WARS2: variants seen among roughly 807,000 people sequenced by gnomAD.
WARS2 encodes the protein tryptophan--tRNA ligase, mitochondrial.
WARS2 carries 28 observed loss-of-function variants against 36.5 expected under a neutral mutation model. That is an observed-to-expected ratio of 0.77 (90% CI 0.57 to 1.05). The LOEUF is 1.05. WARS2 is among the 50% of genes least tolerant of loss of function. The pLI, the probability that WARS2 is intolerant of heterozygous loss-of-function variation, is 0.00. For missense variants in WARS2, 435 were observed against 456.8 expected (o/e 0.95, Z 0.44); for synonymous variants, 174 against 178.4 (o/e 0.98, Z 0.20).
rs913658064 is a variant in WARS2 at position 119,129,729 on chromosome 1, A to T, written c.90+10826T>A. On this transcript the variant is annotated intron_variant, in intron 1 of 5. Transcript: ENST00000235521. ...TACTCTATCTCAAAAAATAAAAATA[A>T]AAAAAAAATAAAATAAAATAAATCC... is the stretch of plus-strand genomic sequence containing the variant. Among the ~76,000 whole-genome samples, 12 of 147,156 alleles carry T rather than the reference A, an allele frequency of 8.2e-5. 3 individuals carry two copies. Among genetic ancestry groups the T allele is most frequent in the African/African-American group, 3.1e-4 (12 of 38,708 alleles).
chr1:119,076,295 T>C (rs1651722086), intron 2 of WARS2, 55 bp downstream of exon 2: 2 of 1,586,692 alleles, frequency 1.3e-6, no homozygotes, highest in Non-Finnish European at 1.7e-6. Context: ...TCAACATTTT[T>C]TCCTCAAATA....
chr1:119,061,990 C>T (rs969983470), intron 2 of WARS2, among the ~76,000 whole-genome samples: 2 of 152,130 alleles, frequency 1.3e-5, no homozygotes, highest in Non-Finnish European at 2.9e-5. Flanking sequence ...TATAGTGACC[C>T]TTGTAACTGG....
chr1:119,068,226 C>G (rs12569117), intron 2 of WARS2, among the ~76,000 whole-genome samples: 8,352 of 152,240 alleles, frequency 0.055, 426 homozygotes, highest in East Asian at 0.19. Context: ...TAAATACACT[C>G]AAATATGTTT....
At chr1:119,071,055 C>A (rs907311982) in intron 2 of WARS2, among the ~76,000 whole-genome samples, 2 of 151,948 alleles carry the variant, frequency 1.3e-5, no homozygotes, top group Non-Finnish European at 2.9e-5. Context: ...TGGTGGCAGG[C>A]GCCTGTAATC....
chr1:119,128,565 C>T (rs1294180642), intron 1 of WARS2, among the ~76,000 whole-genome samples: 3 of 148,590 alleles, frequency 2.0e-5, no homozygotes, highest in African/African-American at 7.5e-5. Flanking sequence ...ATTTAACATT[C>T]CCCACCACCC....
intron 1 of WARS2, among the ~76,000 whole-genome samples, chr1:119,116,884 C>A (rs192543901): frequency 6.6e-5 from 10 of 152,066 alleles, no homozygotes; most frequent in African/African-American, 2.4e-4. Context: ...CGAACTTCCC[C>A]GAGTAGAATC....
chr1:119,114,965 T>A (rs1386294098), intron 1 of WARS2, among the ~76,000 whole-genome samples: 1 of 152,124 alleles, frequency 6.6e-6, no homozygotes, highest in Non-Finnish European at 1.5e-5. Flanking sequence ...CCCATCCACA[T>A]TTTAAAATAA....
rs567046616 is a variant in WARS2, at chr1:119,043,762, G to C, written c.430-1413C>G. Among the ~76,000 whole-genome samples, 78 of 152,172 alleles carry C rather than the reference G, an allele frequency of 5.1e-4. 1 individual carries two copies. The highest frequency in any genetic ancestry group is 1.0e-3 in the Non-Finnish European group (71 of 68,048). ...TATAGCCTTTTCGTATTAGCATAAT[G>C]GACCTTGAAATTACAAGGGAGAGGG... On this transcript the variant is annotated intron_variant, in intron 3 of 5. Coordinates refer to ENST00000235521, the MANE Select transcript of WARS2 (RefSeq NM_015836.4).
At chr1:119,080,493 G>A (rs1652102630) in intron 1 of WARS2, among the ~76,000 whole-genome samples, 1 of 152,160 alleles carries the variant, frequency 6.6e-6, no homozygotes, top group Non-Finnish European at 1.5e-5. Context: ...CATTAGTGCA[G>A]AGGGAATGAT....
chr1:119,102,421 T>A (rs1170625851), intron 1 of WARS2, among the ~76,000 whole-genome samples: 1 of 152,216 alleles, frequency 6.6e-6, no homozygotes, highest in Non-Finnish European at 1.5e-5. Flanking sequence ...TATTTCCACA[T>A]AGATAACCAT....
rs587613714 is a variant in WARS2, at chr1:119,080,895, A to G, written c.91-4288T>C. Among the ~76,000 whole-genome samples, 253 of 152,366 alleles carry G rather than the reference A, an allele frequency of 1.7e-3. 2 individuals are homozygous for G. The highest frequency in any genetic ancestry group is 1.9e-3 in the Non-Finnish European group (132 of 68,030). ...AGCCTAGCCCACAGGCATTCATTCA[A>G]GGGGAAGCCTGGAGCATCAACCTAC... On this transcript the variant is annotated intron_variant, in intron 1 of 5. Transcript: ENST00000235521.
chr1:119,047,097 C>T (rs1207651713), intron 2 of WARS2, among the ~76,000 whole-genome samples: 1 of 152,184 alleles, frequency 6.6e-6, no homozygotes, highest in Non-Finnish European at 1.5e-5. Context: ...AGGGCAGTGA[C>T]ATTGACACAC....
chr1:119,045,616 C>T lies in WARS2; in HGVS notation c.395G>A (p.Arg132Lys), dbSNP rs748739288. 3.1e-6 allele frequency: 5 copies of T among 1,595,400 alleles called. No homozygotes were observed. The highest frequency in any genetic ancestry group is 1.8e-4 in the Middle Eastern group (1 of 5,546). ...ATGTAAATGTTGTAATCGAGGTAGT[C>T]TGACCATGCAGGAAAGGATCCAACT... ...QLSWILSCMV[R>K]LPRLQHLHQW... The change falls in exon 3 of 6, where the codon AGA becomes AAA. Residue 132 changes from arginine to lysine, a missense_variant. Transcript: ENST00000235521.
rs587701892 is a variant in WARS2, at chr1:119,132,593, C to T, written c.90+7962G>A. On this transcript the variant is annotated intron_variant, in intron 1 of 5. Transcript: ENST00000235521. ...TTGAGTAAACAGCTCCATTTCCCTT[C>T]ACTATTATATTCTCCTGCTTCCCAA... Among the ~76,000 whole-genome samples, 6 of 152,324 alleles carry T rather than the reference C, an allele frequency of 3.9e-5. No homozygotes were observed. The South Asian group carries it at 1.0e-3, about 26-fold the overall frequency.
intron 1 of WARS2, among the ~76,000 whole-genome samples, chr1:119,125,842 T>A (rs1208714495): frequency 2.0e-5 from 3 of 152,208 alleles, no homozygotes; most frequent in Non-Finnish European, 2.9e-5. Flanking sequence ...ACCCATCCAA[T>A]ACACTAGCAT....
rs537896934 is a variant in WARS2 at position 119,039,545 on chromosome 1, T to C, written c.515+2719A>G. 2.0e-5 allele frequency among the ~76,000 whole-genome samples: 3 copies of C among 152,210 alleles called. No individual in the cohort carries two copies. In the South Asian group the frequency reaches 6.2e-4, roughly 32 times the overall value. The stretch of plus-strand genomic sequence containing the variant: ...TAGGCATTTGGAGAAATAATACAGA[T>C]GCAAAATAAAAACTATGAACACTTG... On this transcript the variant is annotated intron_variant, in intron 4 of 5. Coordinates refer to ENST00000235521, the MANE Select transcript of WARS2 (RefSeq NM_015836.4).
chr1:119,136,830 ATTTC>A (rs1254192484), intron 1 of WARS2, among the ~76,000 whole-genome samples: 2 of 152,230 alleles, frequency 1.3e-5, no homozygotes, highest in African/African-American at 4.8e-5. Context: ...ACCAAAGACT[ATTTC>A]TTCACGTTTG....
chr1:119,140,610 C>A lies in WARS2; in HGVS notation c.35G>T (p.Arg12Leu). The A allele has an allele frequency of 1.2e-6, 2 of 1,613,882 alleles. No homozygotes were observed. The highest frequency in any genetic ancestry group is 2.2e-5 in the South Asian group (2 of 91,046). The change falls in exon 1 of 6, where the codon CGC (arginine) becomes CTC (leucine). Residue 12 changes from arginine to leucine, a missense_variant. Arg to Leu is a moderately radical substitution (Grantham distance 102). Transcript: ENST00000235521. ...ATGAAGTGCCCGGATGAAGCTCCAG[C>A]GCTCACGCGCTTTCCGCATTGAGTG... ...ALHSMRKARE[R>L]WSFIRALHKG...
intron 1 of WARS2, among the ~76,000 whole-genome samples, chr1:119,081,064 C>A (rs1443342873): frequency 6.6e-6 from 1 of 152,172 alleles, no homozygotes; most frequent in African/African-American, 2.4e-5. Context: ...CCAGCAGTAC[C>A]AAATCCCTGG....
Sources: gnomAD v4.1 joint callset for allele counts (sites outside exome capture counted in the v4.1 genomes callset) on GRCh38, gnomAD v4.1.1 for gene constraint, MANE v1.5 for transcripts, NCBI Gene and HGNC (gene_info 2026-07-23, HGNC 2026-07-21) for gene names.